The following POU2AF1 variants were observed in gnomAD, a reference collection of about 807,000 sequenced individuals.
POU2AF1 encodes the protein POU class 2 homeobox associating factor 1, also known as POU domain class 2-associating factor 1.
A neutral mutation model predicts 26.3 loss-of-function variants in POU2AF1; 12 were observed. The ratio of observed to expected loss-of-function variants is 0.46; its 90% CI spans 0.29 to 0.74. POU2AF1 has a LOEUF of 0.74. Ranked by LOEUF, POU2AF1 falls within the 30% of genes least tolerant of loss-of-function variation. The probability of loss-of-function intolerance (pLI) is 0.09; values close to 1 mark genes in which losing one functional copy is unlikely to be tolerated. For missense variants in POU2AF1, 297 were observed against 334.5 expected, an observed-to-expected ratio of 0.89 and a Z score of 0.87; for synonymous variants, 175 against 148.0, an observed-to-expected ratio of 1.18 and a Z score of -1.32.
chr11:111,358,420 G>C (rs115201409), intron 2 of POU2AF1, among the ~76,000 whole-genome samples: 3 of 56,996 alleles, frequency 5.3e-5, no homozygotes, highest in Admixed American at 2.3e-4. Flanking sequence ...TCACACACAC[G>C]CTCACACTCT....
At chr11:111,379,025 C>CCCCGGG in intron 1 of POU2AF1, 137 bp downstream of exon 1, 1 of 623,470 alleles carries the variant, frequency 1.6e-6, no homozygotes, top group Non-Finnish European at 2.7e-6. Flanking sequence ...CTCCCTGCTC[C>CCCCGGG]GGGGCTTGGA....
chr11:111,356,638 A>G (rs1860851271), intron 4 of POU2AF1, among the ~76,000 whole-genome samples: 1 of 151,828 alleles, frequency 6.6e-6, no homozygotes, highest in Non-Finnish European at 1.5e-5. Context: ...ACATAAATCT[A>G]TTTCCCTTCC....
rs1279951756 is a variant in POU2AF1, at chr11:111,352,565, G to T, written c.*1696C>A. The T allele has an allele frequency of 1.1e-5, 2 of 181,044 alleles. No individual in the cohort carries two copies. The highest frequency in any genetic ancestry group is 1.8e-4 in the East Asian group (2 of 11,062). The allele number at this position is 181,044 out of a possible 1,614,324, so 11.2% of individuals were successfully genotyped here. A position where few individuals can be genotyped will look rare whatever the true frequency, so the allele number is the denominator to read the frequency against. On this transcript the variant is annotated 3_prime_UTR_variant, in exon 5 of 5. Coordinates refer to ENST00000393067, the MANE Select transcript of POU2AF1 (RefSeq NM_006235.3). The stretch of plus-strand genomic sequence containing the variant: ...CTGAGGCTCCAGAGGTCCCCAGGAG[G>T]GAGGGTGTTTGCGTGGAGGGGGCCT...
chr11:111,358,721 CTA>C (rs1860940005), intron 2 of POU2AF1, 65 bp downstream of exon 2: 13 of 1,517,004 alleles, frequency 8.6e-6, no homozygotes, highest in Non-Finnish European at 1.2e-5. Context: ...CACTCTCACA[CTA>C]TCCCTGACAC....
At chr11:111,358,414 A>T (rs117026307) in intron 2 of POU2AF1, among the ~76,000 whole-genome samples, 11 of 78,770 alleles carry the variant, frequency 1.4e-4, no homozygotes, top group African/African-American at 3.5e-4. Context: ...ACTCTCTCAC[A>T]CACACGCTCA....
At chr11:111,358,511 A>G (rs1418040175) in intron 2 of POU2AF1, among the ~76,000 whole-genome samples, 1 of 54,796 alleles carries the variant, frequency 1.8e-5, no homozygotes, top group Non-Finnish European at 4.7e-5. Context: ...CTCTCACACT[A>G]TCACACACTC....
chr11:111,360,142 C>G, intron 1 of POU2AF1: 1 of 462,744 alleles, frequency 2.2e-6, no homozygotes, highest in Non-Finnish European at 4.3e-6. Flanking sequence ...GGCTGGGAAG[C>G]AACAAGCTGC....
chr11:111,376,296 G>T (rs1375900059), intron 1 of POU2AF1, among the ~76,000 whole-genome samples: 1 of 152,168 alleles, frequency 6.6e-6, no homozygotes, highest in Non-Finnish European at 1.5e-5. Flanking sequence ...AGTTGCACAG[G>T]CAACTTTCAG....
At chr11:111,358,372 ACACTCTCT>A (rs1860904540) in intron 2 of POU2AF1, among the ~76,000 whole-genome samples, 1 of 100,878 alleles carries the variant, frequency 9.9e-6, no homozygotes, top group African/African-American at 3.5e-5. Context: ...ACACACTCAC[ACACTCTCT>A]CACACACACT....
chr11:111,357,945 T>G, intron 2 of POU2AF1, 108 bp from the exon 3 acceptor site: 1 of 1,213,332 alleles, frequency 8.2e-7, no homozygotes, highest in Admixed American at 2.9e-5. Context: ...AAGATAGGAA[T>G]CTCTCTGGTT....
At chr11:111,365,781 C>T (rs937445183) in intron 1 of POU2AF1, among the ~76,000 whole-genome samples, 2 of 151,526 alleles carry the variant, frequency 1.3e-5, no homozygotes, top group Admixed American at 1.3e-4. Flanking sequence ...CACCTGAACC[C>T]AGGAGGCAGA....
chr11:111,369,145 C>T (rs1268366554), intron 1 of POU2AF1, among the ~76,000 whole-genome samples: 1 of 152,080 alleles, frequency 6.6e-6, no homozygotes, highest in Non-Finnish European at 1.5e-5. Context: ...ACAGGGAAGC[C>T]AATGATGCTG....
At chr11:111,373,112 G>A (rs1037894149) in intron 1 of POU2AF1, among the ~76,000 whole-genome samples, 1 of 152,224 alleles carries the variant, frequency 6.6e-6, no homozygotes, top group African/African-American at 2.4e-5. Flanking sequence ...GGACACCACT[G>A]TCTTACTTAA....
At chr11:111,367,035 G>A (rs1484013177) in intron 1 of POU2AF1, among the ~76,000 whole-genome samples, 1 of 152,176 alleles carries the variant, frequency 6.6e-6, no homozygotes, top group African/African-American at 2.4e-5. Context: ...AAACTTCTGG[G>A]TGTCCCGCCC....
At chr11:111,377,545 G>A (rs867288961) in intron 1 of POU2AF1, among the ~76,000 whole-genome samples, 14 of 152,100 alleles carry the variant, frequency 9.2e-5, no homozygotes, top group African/African-American at 2.7e-4. Flanking sequence ...ACATGACTTC[G>A]GTGGCACCTC....
intron 1 of POU2AF1, 71 bp downstream of exon 1, chr11:111,379,091 C>T: frequency 6.2e-7 from 1 of 1,601,296 alleles, no homozygotes; most frequent in Non-Finnish European, 8.5e-7. Flanking sequence ...TCCCCAATTC[C>T]AGACCAAGCT....
At position 111,379,211 on chromosome 11, in the gene POU2AF1, A is replaced by G; in HGVS notation, c.-34T>C. The G allele has an allele frequency of 6.2e-7, 1 of 1,614,064 alleles. No homozygotes were observed. Among genetic ancestry groups the G allele is most frequent in the Non-Finnish European group, 8.5e-7 (1 of 1,179,916 alleles). ...ACAGGATGTTGCCTTTTCTCTTTGA[A>G]GCCGACAGTTTGGCTTCTTTAATGT... On this transcript the variant is annotated 5_prime_UTR_variant, in exon 1 of 5. Coordinates refer to ENST00000393067, the MANE Select transcript of POU2AF1 (RefSeq NM_006235.3).
intron 4 of POU2AF1, among the ~76,000 whole-genome samples, chr11:111,355,183 C>A (rs1565358800): frequency 1.3e-5 from 2 of 152,222 alleles, no homozygotes; most frequent in Admixed American, 1.3e-4. Flanking sequence ...GCTTTGTCAG[C>A]AAACTTGGCC....
At chr11:111,370,255 A>G (rs1363098358) in intron 1 of POU2AF1, among the ~76,000 whole-genome samples, 3 of 152,188 alleles carry the variant, frequency 2.0e-5, no homozygotes, top group Non-Finnish European at 2.9e-5. Flanking sequence ...TATGAAAGAC[A>G]TTGGAGAAGG....
Sources: allele counts gnomAD v4.1 joint callset (sites outside exome capture counted in the v4.1 genomes callset), GRCh38; gene constraint gnomAD v4.1.1; transcripts MANE v1.5; gene names NCBI Gene and HGNC (gene_info 2026-07-23, HGNC 2026-07-21).